Variants in SNRNP35 observed in about 807,000 individuals in gnomAD.
SNRNP35 encodes U11/U12 small nuclear ribonucleoprotein 35 kDa protein.
Under a neutral mutation model 24.3 loss-of-function variants are expected in SNRNP35, and 16 were observed. That is an observed-to-expected ratio of 0.66 (90% CI 0.45 to 1.00). SNRNP35 has a LOEUF of 1.00. Ranked by LOEUF, SNRNP35 falls within the 50% of genes least tolerant of loss-of-function variation. SNRNP35 has a pLI of 0.00. For synonymous variants in SNRNP35, 106 were observed against 124.8 expected, an observed-to-expected ratio of 0.85 and a Z score of 1.00; for missense variants, 292 against 327.2, an observed-to-expected ratio of 0.89 and a Z score of 0.83.
rs1206550804 is a variant in SNRNP35 at position 123,465,066 on chromosome 12, T to C, written c.-3-472T>C. Among the ~76,000 whole-genome samples, 1 of 152,228 alleles carries C rather than the reference T, an allele frequency of 6.6e-6. No homozygotes were observed. Among genetic ancestry groups the C allele is most frequent in the Non-Finnish European group, 1.5e-5 (1 of 68,034 alleles). On this transcript the variant is annotated intron_variant, in intron 1 of 1. Coordinates refer to ENST00000526639, the MANE Select transcript of SNRNP35 (RefSeq NM_022717.4). This position sits in a 1 kb window ranked among gnomAD's most constrained non-coding sequence, Gnocchi z 4.2. ...CGGGTGAGAAGTTTGTGGAGGGTTA[T>C]TATATGATTCTCTATGTTGGTATTT...
chr12:123,471,155 C>T (rs1881173845), downstream of SNRNP35: 1 of 151,576 alleles, frequency 6.6e-6, no homozygotes, highest in Non-Finnish European at 1.5e-5. Flanking sequence ...ACTGCAACCT[C>T]TGCCTCCTAG....
In SNRNP35 at chr12:123,465,182, G is replaced by C. The variant is rs1308585830; in HGVS notation, c.-3-356G>C. ...TATGATCATTTTAAAGGTTCTGAAA[G>C]AGAAGTCTGGTTTTGATCCACGTTG... On this transcript the variant is annotated intron_variant, in intron 1 of 1. Coordinates refer to ENST00000526639, the MANE Select transcript of SNRNP35 (RefSeq NM_022717.4). The surrounding 1 kb of genome is among the most constrained non-coding windows in gnomAD (Gnocchi z 4.2). Among the ~76,000 whole-genome samples the C allele has an allele frequency of 6.6e-6, 1 of 152,218 alleles. No individual in the cohort carries two copies. Among genetic ancestry groups the C allele is most frequent in the African/African-American group, 2.4e-5 (1 of 41,446 alleles).
intron 1 of SNRNP35, among the ~76,000 whole-genome samples, chr12:123,460,830 G>C (rs961141501): frequency 6.6e-5 from 10 of 151,366 alleles, no homozygotes; most frequent in Non-Finnish European, 1.5e-4. Flanking sequence ...GGGTAATTTT[G>C]TATTTTCAAT....
At chr12:123,464,979 G>C (rs1287346584) in intron 1 of SNRNP35, 1 of 152,218 alleles carries the variant, frequency 6.6e-6, no homozygotes, top group South Asian at 2.1e-4. Flanking sequence ...TCTAGAATTT[G>C]TTTCAGAATT....
chr12:123,459,382 C>T (rs1263020367), intron 1 of SNRNP35: 1 of 151,660 alleles, frequency 6.6e-6, no homozygotes, highest in South Asian at 2.1e-4. Context: ...AATTTACTGA[C>T]CTCAAATAAT....
At chr12:123,464,330 C>T (rs1222593956) in intron 1 of SNRNP35, 1 of 150,524 alleles carries the variant, frequency 6.6e-6, no homozygotes, top group African/African-American at 2.4e-5. Context: ...AGCTCCGCCT[C>T]CCGGGTTCAA....
downstream of SNRNP35, among the ~76,000 whole-genome samples, chr12:123,468,188 A>G (rs1270985716): frequency 1.3e-5 from 2 of 151,084 alleles, no homozygotes; most frequent in African/African-American, 4.9e-5. Context: ...GTAAAGCCCC[A>G]TCCCTACTAA....
exon 2 of SNRNP35, chr12:123,472,341 G>A: frequency 1.7e-6 from 1 of 578,474 alleles, no homozygotes; most frequent in Non-Finnish European, 3.1e-6. Context: ...ATAGCCCTGG[G>A]TATAAATAAA....
chr12:123,470,438 A>T (rs2139295913), downstream of SNRNP35: 1 of 131,398 alleles, frequency 7.6e-6, no homozygotes. Flanking sequence ...GTGCCACTGT[A>T]CTCCAGCCTA....
downstream of SNRNP35, among the ~76,000 whole-genome samples, chr12:123,467,680 C>T (rs905263033): frequency 2.6e-5 from 4 of 152,138 alleles, no homozygotes; most frequent in African/African-American, 9.7e-5. Context: ...GCTAGGTTTT[C>T]GCATAGGAGT....
At chr12:123,458,770 T>A (rs1369663645) in intron 1 of SNRNP35, among the ~76,000 whole-genome samples, 1 of 151,598 alleles carries the variant, frequency 6.6e-6, no homozygotes, top group Non-Finnish European at 1.5e-5. Flanking sequence ...TAATTTTTTG[T>A]ATTTTACTGG....
intron 1 of SNRNP35, among the ~76,000 whole-genome samples, chr12:123,460,249 A>G (rs747651231): frequency 6.6e-6 from 1 of 152,084 alleles, no homozygotes; most frequent in Non-Finnish European, 1.5e-5. Context: ...TCCTATCTTT[A>G]TCTCCAAAAC....
chr12:123,459,679 T>C (rs1182635434), intron 1 of SNRNP35: 1 of 576,150 alleles, frequency 1.7e-6, no homozygotes, highest in Non-Finnish European at 3.0e-6. Context: ...TCCCAGCTAC[T>C]CGGGAGGCTG....
At chr12:123,468,358 C>CAAAAA (rs62816460), downstream of SNRNP35, among the ~76,000 whole-genome samples, 2 of 92,242 alleles carry the variant, frequency 2.2e-5, no homozygotes, top group African/African-American at 9.8e-5. Context: ...GACTCTGTCT[C>CAAAAA]AAAAAAAAAA....
chr12:123,458,544 C>T (rs1880413559), intron 1 of SNRNP35, among the ~76,000 whole-genome samples: 2 of 151,462 alleles, frequency 1.3e-5, no homozygotes, highest in South Asian at 2.1e-4. Context: ...CCCTGGAGGG[C>T]TCTGTGGGTT....
rs1380173395 is a variant in SNRNP35 at position 123,466,523 on chromosome 12, C to A, written c.*242C>A. On this transcript the variant is annotated 3_prime_UTR_variant, in exon 2 of 2. Coordinates refer to ENST00000526639, the MANE Select transcript of SNRNP35 (RefSeq NM_022717.4). Reference sequence around the variant, plus strand: ...GAAGCAATTTTGTAGTTACTGGCATCTGTACAGAAGGGCATTTTCTTTTCT... The same window carrying A: ...GAAGCAATTTTGTAGTTACTGGCATATGTACAGAAGGGCATTTTCTTTTCT... 1 of 416,738 alleles carries A rather than the reference C, an allele frequency of 2.4e-6. No individual in the cohort carries two copies. The allele number at this position is 416,738 out of a possible 1,614,324, so 25.8% of individuals were successfully genotyped here. A position where few individuals can be genotyped will look rare whatever the true frequency, so the allele number is the denominator to read the frequency against.
intron 1 of SNRNP35, among the ~76,000 whole-genome samples, chr12:123,463,361 C>A (rs1880737964): frequency 6.6e-6 from 1 of 150,824 alleles, no homozygotes; most frequent in African/African-American, 2.5e-5. Context: ...TGCAACAGGT[C>A]AAGTTTTTTT....
At chr12:123,472,755 G>A (rs755061274) in exon 2 of SNRNP35, 48 of 1,504,432 alleles carry the variant, frequency 3.2e-5, no homozygotes, top group African/African-American at 4.2e-5. Flanking sequence ...TTGCAATGCC[G>A]GAGACATATA....
chr12:123,461,361 C>T (rs553311200), intron 1 of SNRNP35, among the ~76,000 whole-genome samples: 4 of 144,592 alleles, frequency 2.8e-5, no homozygotes, highest in East Asian at 4.3e-4. Flanking sequence ...CTCCTGACCT[C>T]GTGATCTGCC....
Sources: allele counts gnomAD v4.1 joint callset (sites outside exome capture counted in the v4.1 genomes callset), GRCh38; gene constraint gnomAD v4.1.1; non-coding constraint Gnocchi (gnomAD v3.1); transcripts MANE v1.5; gene names NCBI Gene and HGNC (gene_info 2026-07-23, HGNC 2026-07-21).